PLEKHB2: variants seen among roughly 807,000 people sequenced by gnomAD.
PLEKHB2 encodes the protein pleckstrin homology domain-containing family B member 2.
PLEKHB2 carries 31 observed loss-of-function variants against 36.5 expected under a neutral mutation model. The observed-to-expected ratio is 0.85, with a 90% confidence interval of 0.64 to 1.15. PLEKHB2 has a LOEUF of 1.15. Among genes scored for constraint, PLEKHB2 ranks in the 50% most tolerant of loss-of-function variants. The probability of loss-of-function intolerance (pLI) is 0.00; values close to 1 mark genes in which losing one functional copy is unlikely to be tolerated. For synonymous variants in PLEKHB2, 119 were observed against 112.0 expected, an observed-to-expected ratio of 1.06 and a Z score of -0.39; for missense variants, 262 against 295.3, an observed-to-expected ratio of 0.89 and a Z score of 0.83.
intron 1 of PLEKHB2, among the ~76,000 whole-genome samples, chr2:131,111,478 T>C (rs1430469143): frequency 6.6e-6 from 1 of 151,028 alleles, no homozygotes; most frequent in East Asian, 1.9e-4. Context: ...GCTCTGAATA[T>C]TTCTTTTTAT....
rs974143624 is a variant in PLEKHB2, at chr2:131,121,785, CT to C, written c.37+814del. Among the ~76,000 whole-genome samples the C allele has an allele frequency of 5.3e-5, 8 of 152,178 alleles. No individual in the cohort carries two copies. The South Asian group carries it at 1.7e-3, about 32-fold the overall frequency. ...AAAGGACTAGAGAAGAGACTCAGTT[CT>C]TTTTTTATGGGATTGAGATCCACTT... On this transcript the variant is annotated intron_variant, in intron 2 of 7. Transcript: ENST00000693505.
At chr2:131,130,379 C>A (rs796332038) in intron 4 of PLEKHB2, among the ~76,000 whole-genome samples, 1 of 152,036 alleles carries the variant, frequency 6.6e-6, no homozygotes, top group Non-Finnish European at 1.5e-5. Flanking sequence ...AATTGCTAAT[C>A]TAAATTTTTT....
chr2:131,123,496 GTC>G lies in PLEKHB2; in HGVS notation c.38-2253_38-2252del, dbSNP rs1696733516. Among the ~76,000 whole-genome samples, 3 of 152,178 alleles carry G rather than the reference GTC, an allele frequency of 2.0e-5. No individual in the cohort carries two copies. In the South Asian group the frequency reaches 6.2e-4, roughly 32 times the overall value. ...ACTCCCTGACCCAGTGGTTCCACCT[GTC>G]TCTGTGTTTCTGTGGCTCTATTTAG... is the stretch of plus-strand genomic sequence containing the variant. On this transcript the variant is annotated intron_variant, in intron 2 of 7. Coordinates refer to ENST00000693505, the MANE Select transcript of PLEKHB2 (RefSeq NM_001100623.2).
Position 131,146,653 on chromosome 2 carries a change from G to A in PLEKHB2, c.549G>A (p.Gln183=). The A allele has an allele frequency of 6.2e-7, 1 of 1,612,846 alleles. No individual in the cohort carries two copies. Among genetic ancestry groups the A allele is most frequent in the Non-Finnish European group, 8.5e-7 (1 of 1,179,640 alleles). ...CTCTTTTAGGACTTTATGGACAGCA[G>A]CCTGCTAACCAAGTCATCATTCGAG... ...QYPYAGLYGQ[Q]PANQVIIRER... is the part of the protein sequence containing the mutation. The change falls in exon 8 of 8, where the codon CAG becomes CAA. Residue 183 remains glutamine (Q), a synonymous_variant. Transcript: ENST00000693505.
At chr2:131,109,633 T>C (rs989934384) in intron 1 of PLEKHB2, among the ~76,000 whole-genome samples, 1 of 151,308 alleles carries the variant, frequency 6.6e-6, no homozygotes, top group Non-Finnish European at 1.5e-5. Flanking sequence ...ATGGGTGCAG[T>C]GAGCCAAGAT....
At chr2:131,124,921 G>A (rs998170198) in intron 2 of PLEKHB2, among the ~76,000 whole-genome samples, 1 of 151,942 alleles carries the variant, frequency 6.6e-6, no homozygotes. Flanking sequence ...TAGTAGCTGG[G>A]ATTACAGGTA....
chr2:131,128,838 A>G (rs1697353744), intron 4 of PLEKHB2, among the ~76,000 whole-genome samples: 1 of 152,238 alleles, frequency 6.6e-6, no homozygotes, highest in Non-Finnish European at 1.5e-5. Context: ...GGCAAGAAAA[A>G]TGTTCTGAAA....
intron 6 of PLEKHB2, among the ~76,000 whole-genome samples, chr2:131,137,415 A>G (rs1313240662): frequency 6.6e-6 from 1 of 152,206 alleles, no homozygotes; most frequent in Non-Finnish European, 1.5e-5. Context: ...TTCTGGGTCC[A>G]CCGCAGATAC....
intron 1 of PLEKHB2, among the ~76,000 whole-genome samples, chr2:131,111,219 C>T (rs532914515): frequency 2.4e-4 from 37 of 151,470 alleles, no homozygotes; most frequent in African/African-American, 8.5e-4. Flanking sequence ...TGGCCAGGCT[C>T]GTCTTGAACT....
At chr2:131,128,482 T>G (rs961254137) in intron 4 of PLEKHB2, among the ~76,000 whole-genome samples, 4 of 152,190 alleles carry the variant, frequency 2.6e-5, no homozygotes, top group African/African-American at 9.6e-5. Context: ...CCATACACAC[T>G]CACCATCTAT....
chr2:131,120,067 C>G (rs979780866), intron 1 of PLEKHB2, among the ~76,000 whole-genome samples: 1 of 151,240 alleles, frequency 6.6e-6, no homozygotes, highest in Non-Finnish European at 1.5e-5. Flanking sequence ...CTCCTGGGTT[C>G]AAGCAGTTCT....
chr2:131,107,554 G>A (rs1380944463), intron 1 of PLEKHB2: 1 of 152,254 alleles, frequency 6.6e-6, no homozygotes, highest in Non-Finnish European at 1.5e-5. Flanking sequence ...CACTTTTATA[G>A]CGAAAGAGAG....
At chr2:131,121,448 CTG>C (rs1194752250) in intron 2 of PLEKHB2, among the ~76,000 whole-genome samples, 9 of 151,740 alleles carry the variant, frequency 5.9e-5, no homozygotes, top group Non-Finnish European at 1.3e-4. Flanking sequence ...GGGTTTCTCC[CTG>C]TTGGCCAGGC....
intron 7 of PLEKHB2, among the ~76,000 whole-genome samples, chr2:131,143,845 A>T (rs933776782): frequency 6.6e-6 from 1 of 152,176 alleles, no homozygotes; most frequent in Non-Finnish European, 1.5e-5. Flanking sequence ...TTCTTACTGT[A>T]TAGAGAGCAC....
At chr2:131,142,427 A>G (rs1344400628) in intron 7 of PLEKHB2, among the ~76,000 whole-genome samples, 1 of 151,542 alleles carries the variant, frequency 6.6e-6, no homozygotes, top group Non-Finnish European at 1.5e-5. Context: ...GCCTATTATC[A>G]TATTGGGTGA....
At chr2:131,137,841 A>G (rs1002673110) in intron 6 of PLEKHB2, among the ~76,000 whole-genome samples, 1 of 151,498 alleles carries the variant, frequency 6.6e-6, no homozygotes, top group Non-Finnish European at 1.5e-5. Flanking sequence ...TTTCTTTGGG[A>G]TTATCCTGTT....
chr2:131,117,113 C>T (rs558043117), intron 1 of PLEKHB2, among the ~76,000 whole-genome samples: 2 of 151,006 alleles, frequency 1.3e-5, no homozygotes, highest in South Asian at 4.2e-4. Context: ...CAGCTAAACT[C>T]CGTCCAAAAA....
chr2:131,117,297 C>T (rs577469654), intron 1 of PLEKHB2, among the ~76,000 whole-genome samples: 292 of 151,764 alleles, frequency 1.9e-3, no homozygotes, highest in Admixed American at 3.8e-3. Context: ...TGTGATGGCA[C>T]ACGCCCGTAA....
In PLEKHB2 at chr2:131,132,993, T is replaced by C; in HGVS notation, c.423+2T>C. The C allele has an allele frequency of 6.2e-7, 1 of 1,610,134 alleles. No individual in the cohort carries two copies. On this transcript the variant is annotated splice_donor_variant, in intron 6 of 7. Coordinates refer to ENST00000693505, the MANE Select transcript of PLEKHB2 (RefSeq NM_001100623.2). LOFTEE classifies it high-confidence loss of function. ...GCCTATGCTGCACCGGCCCCTGAGGTAGGGAGAACCCTGAGCCTCCAGGTG... is the reference window on the plus strand; with the variant it reads ...GCCTATGCTGCACCGGCCCCTGAGGCAGGGAGAACCCTGAGCCTCCAGGTG...
Sources: gnomAD v4.1 joint callset for allele counts (sites outside exome capture counted in the v4.1 genomes callset) on GRCh38, gnomAD v4.1.1 for gene constraint, MANE v1.5 for transcripts, NCBI Gene and HGNC (gene_info 2026-07-23, HGNC 2026-07-21) for gene names.